The following STX5 variants were observed in gnomAD, a reference collection of about 807,000 sequenced individuals.
The protein encoded by STX5 is syntaxin 5.
STX5 carries 15 observed loss-of-function variants against 42.9 expected under a neutral mutation model. The observed-to-expected ratio is 0.35, with a 90% CI of 0.23 to 0.54. The LOEUF is 0.54. Ranked by LOEUF, STX5 falls within the 20% of genes least tolerant of loss-of-function variation. The pLI is 0.91. For missense variants in STX5, 430 were observed against 455.0 expected (o/e 0.95, Z 0.50); for synonymous variants, 184 against 173.2 (o/e 1.06, Z -0.49).
chr11:62,827,517 T>C, intron 3 of STX5, 44 bp downstream of exon 3: 3 of 1,613,914 alleles, frequency 1.9e-6, no homozygotes, highest in African/African-American at 1.3e-5. Context: ...TCTACTTTTC[T>C]TCAGACACTG....
chr11:62,831,781 T>C (rs1787391504), intron 1 of STX5, among the ~76,000 whole-genome samples, 173 bp downstream of exon 1: 1 of 144,742 alleles, frequency 6.9e-6, no homozygotes, highest in African/African-American at 2.6e-5. Context: ...CCGACGTCTC[T>C]CTCAACAGAG....
intron 10 of STX5, among the ~76,000 whole-genome samples, chr11:62,815,450 C>CAT (rs1333593242): frequency 7.2e-6 from 1 of 138,610 alleles, no homozygotes; most frequent in African/African-American, 2.6e-5. Flanking sequence ...TTTTTTGAGA[C>CAT]AGAGTATCAC....
At chr11:62,821,519 G>C (rs2084740239) in intron 10 of STX5, among the ~76,000 whole-genome samples, 1 of 149,070 alleles carries the variant, frequency 6.7e-6, no homozygotes, top group African/African-American at 2.5e-5. Flanking sequence ...GAGGTCAGGA[G>C]GTCGAGACCA....
In STX5 at chr11:62,824,546, C is replaced by A. The variant is rs570053991; in HGVS notation, c.699G>T (p.Leu233=). The change falls in exon 9 of 11, where the codon CTG becomes CTT. Residue 233 remains leucine (L), a synonymous_variant. Transcript: ENST00000294179. ...CCTTGGAGGCATGGGACTCTGCCCC[C>A]AGAACCACAGCACCACCGCCTGGGG... ...PNHLGGGAVV[L]GAESHASKDV... The A allele has an allele frequency of 6.2e-7, 1 of 1,614,154 alleles. No homozygotes were observed. The highest frequency in any genetic ancestry group is 1.1e-5 in the South Asian group (1 of 91,074).
At chr11:62,824,649 C>T (rs2084775310) in intron 8 of STX5, 84 bp from the exon 9 acceptor site, 1 of 1,246,570 alleles carries the variant, frequency 8.0e-7, no homozygotes, top group Non-Finnish European at 1.2e-6. Context: ...AATCCCAGCT[C>T]TAGCACTTAC....
At chr11:62,831,334 A>C in intron 1 of STX5, 72 bp from the exon 2 acceptor site, 1 of 1,124,958 alleles carries the variant, frequency 8.9e-7, no homozygotes, top group Non-Finnish European at 1.3e-6. Context: ...ACCCCAATCA[A>C]CAAATCCCCG....
chr11:62,807,600 G>A lies in STX5; in HGVS notation c.937C>T (p.Leu313=), dbSNP rs149476894. 2.8e-4 allele frequency: 455 copies of A among 1,614,014 alleles called. No homozygotes were observed. Among genetic ancestry groups the A allele is most frequent in the Non-Finnish European group, 2.9e-4 (345 of 1,180,034 alleles). ...TCTGAATGGGCGGCCTCAACGTCCA[G>A]CTGGGCTCCTAGCACGTTCTCGTCG... The part of the protein sequence containing the change: ...RIDENVLGAQ[L]DVEAAHSEIL... Residue 313 remains leucine, a synonymous_variant, in exon 11 of 11, where the codon CTG becomes TTG. Coordinates refer to ENST00000294179, the MANE Select transcript of STX5 (RefSeq NM_003164.5).
intron 10 of STX5, among the ~76,000 whole-genome samples, chr11:62,808,995 A>G (rs1052176670): frequency 9.2e-5 from 14 of 152,240 alleles, no homozygotes; most frequent in Non-Finnish European, 1.6e-4. Context: ...TTTGTTTTAA[A>G]TATCAAATGG....
At chr11:62,818,454 C>T (rs991874067) in intron 10 of STX5, among the ~76,000 whole-genome samples, 3 of 150,400 alleles carry the variant, frequency 2.0e-5, no homozygotes, top group Non-Finnish European at 4.4e-5. Context: ...CCCAGCTACT[C>T]GGTAAGCTGA....
rs1346009440 is a variant in STX5, at chr11:62,832,003, C to A, written c.-69G>T. 6 of 470,026 alleles carry A rather than the reference C, an allele frequency of 1.3e-5. No individual in the cohort carries two copies. In the Admixed American group the frequency reaches 1.4e-4, roughly 11 times the overall value. The allele number at this position is 470,026 out of a possible 1,614,324, so 29.1% of individuals were successfully genotyped here. ...CGCCACTTCCAATCTCACCGGCCGT[C>A]ACTGCCTCCTCCCCGAGCACTGAAG... On this transcript the variant is annotated 5_prime_UTR_variant, in exon 1 of 11. Coordinates refer to ENST00000294179, the MANE Select transcript of STX5 (RefSeq NM_003164.5).
At chr11:62,809,068 C>G (rs2084585706) in intron 10 of STX5, among the ~76,000 whole-genome samples, 1 of 151,792 alleles carries the variant, frequency 6.6e-6, no homozygotes, top group Admixed American at 6.6e-5. Flanking sequence ...GCAGGCCGAT[C>G]ACGAAGTCAG....
intron 5 of STX5, 95 bp from the exon 6 acceptor site, chr11:62,825,634 G>C (rs2084787812): frequency 9.0e-7 from 1 of 1,109,598 alleles, no homozygotes; most frequent in East Asian, 2.4e-5. Flanking sequence ...AGGACAAGGT[G>C]GAAGTTACTA....
intron 10 of STX5, among the ~76,000 whole-genome samples, chr11:62,820,426 C>A (rs979885123): frequency 6.6e-6 from 1 of 150,910 alleles, no homozygotes; most frequent in Non-Finnish European, 1.5e-5. Context: ...GTAATCCCAG[C>A]ACTTTTGGAG....
chr11:62,830,085 A>AG (rs1244984908), intron 2 of STX5, among the ~76,000 whole-genome samples: 1 of 146,090 alleles, frequency 6.8e-6, no homozygotes, highest in Non-Finnish European at 1.5e-5. Flanking sequence ...AAAAAAAAAA[A>AG]AGAGAGAGAG....
At chr11:62,808,882 T>C (rs986031308) in intron 10 of STX5, among the ~76,000 whole-genome samples, 1 of 152,152 alleles carries the variant, frequency 6.6e-6, no homozygotes, top group Admixed American at 6.6e-5. Flanking sequence ...ACAAAACAAG[T>C]TGATGTCATG....
chr11:62,825,649 G>T, intron 5 of STX5, 110 bp from the exon 6 acceptor site: 1 of 961,094 alleles, frequency 1.0e-6, no homozygotes. Flanking sequence ...TTACTAGCCA[G>T]AGTGAGAGTA....
rs1055249153 is a variant in STX5, at chr11:62,823,323, C to T, written c.908+843G>A. On this transcript the variant is annotated intron_variant, in intron 10 of 10. Transcript: ENST00000294179. ...CCGAGTAGCTGGAACCACAGGCACACGCAACCATGTCCAGCTAATTTTTTT... is the reference window on the plus strand; with the variant it reads ...CCGAGTAGCTGGAACCACAGGCACATGCAACCATGTCCAGCTAATTTTTTT... 4.0e-5 allele frequency among the ~76,000 whole-genome samples: 6 copies of T among 151,182 alleles called. No homozygotes were observed. In the South Asian group the frequency reaches 8.4e-4, roughly 21 times the overall value.
chr11:62,809,549 CTGTAGT>C (rs2084592326), intron 10 of STX5, among the ~76,000 whole-genome samples: 1 of 150,868 alleles, frequency 6.6e-6, no homozygotes, highest in African/African-American at 2.4e-5. Flanking sequence ...TGGCGGGCGC[CTGTAGT>C]CCCAGCTACT....
intron 10 of STX5, among the ~76,000 whole-genome samples, chr11:62,808,350 C>T (rs151125950): frequency 0.011 from 1,657 of 151,534 alleles, 16 homozygotes; most frequent in Middle Eastern, 0.017. Flanking sequence ...AGCTTGAACC[C>T]AGGAGGTTGA....
Sources: allele counts gnomAD v4.1 joint callset (sites outside exome capture counted in the v4.1 genomes callset), GRCh38; gene constraint gnomAD v4.1.1; transcripts MANE v1.5; gene names NCBI Gene and HGNC (gene_info 2026-07-23, HGNC 2026-07-21).